Variants in NTM observed in about 807,000 individuals in gnomAD.
NTM encodes neurotrimin, also known as IgLON family member 2.
A neutral mutation model predicts 42.1 loss-of-function variants in NTM; 13 were observed. The ratio of observed to expected loss-of-function variants is 0.31; its 90% confidence interval spans 0.20 to 0.49. NTM has a LOEUF of 0.49. Ranked by LOEUF, NTM falls within the 20% of genes least tolerant of loss-of-function variation. The probability of loss-of-function intolerance (pLI) is 0.99; values close to 1 mark genes in which losing one functional copy is unlikely to be tolerated. For synonymous variants in NTM, 187 were observed against 179.2 expected (o/e 1.04, Z -0.35); for missense variants, 373 against 452.8 (o/e 0.82, Z 1.60).
chr11:132,052,273 G>A (rs574210457), intron 2 of NTM, among the ~76,000 whole-genome samples: 1 of 152,296 alleles, frequency 6.6e-6, no homozygotes, highest in East Asian at 1.9e-4. Context: ...AATGCTAATT[G>A]GAACTCTCCC....
At chr11:131,443,763 C>T (rs1949804507) in intron 1 of NTM, among the ~76,000 whole-genome samples, 1 of 152,086 alleles carries the variant, frequency 6.6e-6, no homozygotes, top group Admixed American at 6.6e-5. Flanking sequence ...TTTATCTGTC[C>T]TTCTTGAATC....
intron 2 of NTM, among the ~76,000 whole-genome samples, chr11:132,086,657 T>A (rs2059753735): frequency 6.6e-6 from 1 of 152,198 alleles, no homozygotes; most frequent in Non-Finnish European, 1.5e-5. Context: ...TTAAGCCCAG[T>A]CTCGTATATT....
At chr11:131,575,565 C>T (rs74359266) in intron 1 of NTM, among the ~76,000 whole-genome samples, 2,321 of 152,244 alleles carry the variant, frequency 0.015, 59 homozygotes, top group African/African-American at 0.053. Context: ...CTTGTTAGAT[C>T]GCTATAACTT....
At chr11:132,181,189 C>G (rs148393392) in intron 3 of NTM, among the ~76,000 whole-genome samples, 42 of 152,304 alleles carry the variant, frequency 2.8e-4, no homozygotes, top group African/African-American at 1.0e-3. Flanking sequence ...TGACTTTCAC[C>G]CAACTCTCAC....
chr11:131,873,613 G>A lies in NTM; in HGVS notation c.83-37951G>A, dbSNP rs981774993. On this transcript the variant is annotated intron_variant, in intron 1 of 8. Transcript: ENST00000683400. ...GTATATATATACATATATATATACC[G>A]TATATATATACATATATATATACAC... Among the ~76,000 whole-genome samples, 72 of 34,942 alleles carry A rather than the reference G, an allele frequency of 2.1e-3. 1 individual carries two copies. Among genetic ancestry groups the A allele is most frequent in the African/African-American group, 8.9e-3 (63 of 7,090 alleles). 22.9% of individuals were successfully genotyped at this position (34,942 alleles called of 152,430 possible).
At chr11:131,877,797 T>C (rs2048756731) in intron 1 of NTM, 1 of 152,246 alleles carries the variant, frequency 6.6e-6, no homozygotes. Context: ...CCTCTACGTC[T>C]GATACCACAG....
At chr11:131,566,806 G>A (rs1215850877) in intron 1 of NTM, among the ~76,000 whole-genome samples, 1 of 152,138 alleles carries the variant, frequency 6.6e-6, no homozygotes. Context: ...GGGGGAAGAG[G>A]GAGTGAGAAA....
chr11:132,303,500 G>A (rs765533806), intron 4 of NTM, among the ~76,000 whole-genome samples: 12 of 152,152 alleles, frequency 7.9e-5, no homozygotes, highest in Non-Finnish European at 1.8e-4. Context: ...TTAGATTAGG[G>A]TCTACCATAA....
chr11:131,766,573 A>C (rs913035690), intron 1 of NTM, among the ~76,000 whole-genome samples: 25 of 137,240 alleles, frequency 1.8e-4, no homozygotes, highest in African/African-American at 6.3e-4. Context: ...GTCACACAGC[A>C]GGCCCCCCCC....
chr11:131,629,960 T>G (rs1379496298), intron 1 of NTM, among the ~76,000 whole-genome samples: 1 of 152,156 alleles, frequency 6.6e-6, no homozygotes, highest in Non-Finnish European at 1.5e-5. Context: ...CTCTGCACCA[T>G]CCCTGGTGTG....
Position 132,190,375 on chromosome 11 carries a change from G to A in NTM, c.401-21647G>A, listed in dbSNP as rs377200257. On this transcript the variant is annotated intron_variant, in intron 3 of 8. Coordinates refer to ENST00000683400, the MANE Select transcript of NTM (RefSeq NM_001352005.2). ...TAAACAACTAAATATGTGACACTCT[G>A]GATAAAGAGCATTTCAGGAGAGGAA... is the stretch of plus-strand genomic sequence containing the variant. Among the ~76,000 whole-genome samples, 18 of 152,224 alleles carry A rather than the reference G, an allele frequency of 1.2e-4. 1 individual carries two copies. Among genetic ancestry groups the A allele is most frequent in the African/African-American group, 4.1e-4 (17 of 41,540 alleles).
At chr11:131,445,850 C>T (rs1478891850) in intron 1 of NTM, among the ~76,000 whole-genome samples, 1 of 152,160 alleles carries the variant, frequency 6.6e-6, no homozygotes, top group Admixed American at 6.5e-5. Context: ...CAGCCTGCCA[C>T]TTATTAGTTT....
intron 1 of NTM, among the ~76,000 whole-genome samples, chr11:131,621,636 C>CAAAA (rs527788930): frequency 3.0e-5 from 3 of 98,998 alleles, no homozygotes; most frequent in Non-Finnish European, 6.0e-5. Context: ...CCTATCTTTA[C>CAAAA]AAAAAAAAAA....
rs144413514 is a variant in NTM at position 131,933,888 on chromosome 11, G to T, written c.167+22240G>T. ...TACTGAACTCTTTTTTTCTGGGGGG[G>T]GATGTTGTTTTACAAAGTGCCCTAC... On this transcript the variant is annotated intron_variant, in intron 2 of 8. Coordinates refer to ENST00000683400, the MANE Select transcript of NTM (RefSeq NM_001352005.2). Among the ~76,000 whole-genome samples the T allele has an allele frequency of 9.1e-4, 139 of 151,924 alleles. 2 individuals carry two copies. In the East Asian group the frequency reaches 0.025, roughly 28 times the overall value.
chr11:132,328,485 T>G (rs950029285), intron 7 of NTM, among the ~76,000 whole-genome samples: 56 of 152,126 alleles, frequency 3.7e-4, no homozygotes, highest in African/African-American at 1.3e-3. Context: ...GAGGTTTTTT[T>G]GGGGGGGTCT....
intron 2 of NTM, among the ~76,000 whole-genome samples, chr11:131,919,925 G>A (rs934637725): frequency 5.3e-5 from 8 of 151,966 alleles, no homozygotes; most frequent in African/African-American, 1.9e-4. Flanking sequence ...TTTTTTTGTG[G>A]TGCCTCTCCT....
chr11:132,120,584 C>CA (rs2064631452), intron 2 of NTM, among the ~76,000 whole-genome samples: 1 of 152,086 alleles, frequency 6.6e-6, no homozygotes, highest in Admixed American at 6.5e-5. Context: ...TTTTGAAGAC[C>CA]AAATCTGTAA....
chr11:131,948,115 A>C (rs1481561531), intron 2 of NTM, among the ~76,000 whole-genome samples: 1 of 152,076 alleles, frequency 6.6e-6, no homozygotes, highest in African/African-American at 2.4e-5. Flanking sequence ...TAATCCCAGC[A>C]CTTTGGGAGG....
chr11:131,775,381 G>GA (rs35017626), intron 1 of NTM, among the ~76,000 whole-genome samples: 1 of 152,136 alleles, frequency 6.6e-6, no homozygotes, highest in Non-Finnish European at 1.5e-5. Context: ...GCTTAACAAG[G>GA]AAAAAGATTA....
Sources: allele counts gnomAD v4.1 joint callset (sites outside exome capture counted in the v4.1 genomes callset), GRCh38; gene constraint gnomAD v4.1.1; transcripts MANE v1.5; gene names NCBI Gene and HGNC (gene_info 2026-07-23, HGNC 2026-07-21).